Variants in KIFC3 observed in about 807,000 individuals in gnomAD.
KIFC3 encodes kinesin-like protein KIFC3.
KIFC3 carries 60 observed loss-of-function variants against 101.8 expected under a neutral mutation model. That is an observed-to-expected ratio of 0.59 (90% CI 0.48 to 0.73). The LOEUF is 0.73. Ranked by LOEUF, KIFC3 falls within the 30% of genes least tolerant of loss-of-function variation. The pLI, the probability that KIFC3 is intolerant of heterozygous loss-of-function variation, is 0.00. For synonymous variants in KIFC3, 476 were observed against 482.7 expected, an observed-to-expected ratio of 0.99 and a Z score of 0.18; for missense variants, 966 against 1,137.1, an observed-to-expected ratio of 0.85 and a Z score of 2.16.
At position 57,845,496 on chromosome 16, in the gene KIFC3, C is replaced by A. The variant is rs1042007556; in HGVS notation, c.108+17233G>T. Among the ~76,000 whole-genome samples the A allele has an allele frequency of 3.3e-5, 5 of 152,152 alleles. No homozygotes were observed. The South Asian group carries it at 1.0e-3, about 31-fold the overall frequency. Reference sequence around the variant, plus strand: ...CCCTCTCTGCTCCAAACCTCCTATCCCTCCCAACACCTTTGCTCTGCTCCT... The same window carrying A: ...CCCTCTCTGCTCCAAACCTCCTATCACTCCCAACACCTTTGCTCTGCTCCT... On this transcript the variant is annotated intron_variant, in intron 1 of 2. Coordinates refer to the KIFC3 transcript ENST00000563028.
chr16:57,780,581 A>AT (rs2052604602), intron 3 of KIFC3, among the ~76,000 whole-genome samples: 1 of 150,614 alleles, frequency 6.6e-6, no homozygotes, highest in South Asian at 2.1e-4. Flanking sequence ...AATGATTTAA[A>AT]AAAAAAAAAA....
intron 19 of KIFC3, 73 bp downstream of exon 19, chr16:57,759,052 C>T (rs930421238): frequency 7.4e-5 from 114 of 1,537,108 alleles, no homozygotes; most frequent in Non-Finnish European, 9.1e-5. Context: ...AACAGCAGAA[C>T]GTCCCAGCGC....
upstream of KIFC3, chr16:57,803,004 G>T: frequency 6.5e-7 from 1 of 1,535,816 alleles, no homozygotes; most frequent in Non-Finnish European, 8.7e-7. Context: ...TGCACGCGCT[G>T]GCGCACATGC....
At chr16:57,831,452 G>C (rs1555479291) in intron 1 of KIFC3, among the ~76,000 whole-genome samples, 1 of 152,224 alleles carries the variant, frequency 6.6e-6, no homozygotes, top group African/African-American at 2.4e-5. Flanking sequence ...GGCCAAGGCG[G>C]GAGGATCACT....
chr16:57,798,318 C>A, intron 1 of KIFC3, 36 bp from the exon 2 acceptor site: 1 of 1,521,492 alleles, frequency 6.6e-7, no homozygotes. Context: ...GCTTGAAGAC[C>A]GTGGACCAGC....
intron 1 of KIFC3, among the ~76,000 whole-genome samples, chr16:57,819,700 G>T (rs2055311128): frequency 6.6e-6 from 1 of 151,376 alleles, no homozygotes; most frequent in Admixed American, 6.6e-5. Context: ...AGCTAGGATT[G>T]CAGGCACCTG....
chr16:57,834,873 G>T (rs2055654411), intron 1 of KIFC3, among the ~76,000 whole-genome samples: 1 of 152,188 alleles, frequency 6.6e-6, no homozygotes. Context: ...TCTACTGCAT[G>T]CAACTCTGCA....
At position 57,764,256 on chromosome 16, in the gene KIFC3, GTGGTGGGAGGGAGGC is replaced by G; in HGVS notation, c.1513-24_1513-10del. ...TGCACCTCCTGGAACACCTGGGAGG[GTGGTGGGAGGGAGGC>G]TGGTGGGGGGGCTTCCAGGGCCGCT... is the stretch of plus-strand genomic sequence containing the variant. On this transcript the variant is annotated splice_polypyrimidine_tract_variant and intron_variant, in intron 11 of 19. Transcript: ENST00000445690. 5.3e-6 allele frequency: 8 copies of G among 1,522,016 alleles called. No homozygotes were observed. Among genetic ancestry groups the G allele is most frequent in the East Asian group, 2.3e-5 (1 of 43,416 alleles). 94.3% of individuals were successfully genotyped at this position (1,522,016 alleles called of 1,614,324 possible). A position where few individuals can be genotyped will look rare whatever the true frequency, so the allele number is the denominator to read the frequency against.
At chr16:57,804,771 A>G (rs1390419851), upstream of KIFC3, among the ~76,000 whole-genome samples, 1 of 149,464 alleles carries the variant, frequency 6.7e-6, no homozygotes, top group Non-Finnish European at 1.5e-5. Flanking sequence ...TTTTTTTTTT[A>G]AGTAGAGATG....
In KIFC3 at chr16:57,816,781, A is replaced by T. The variant is rs782455627; in HGVS notation, c.109-18499T>A. ...ACAGGGACAGCCACCCCTTCCAGGCAGGAGCTCATGGGAAACCAAGACCAG... is the reference window on the plus strand; with the variant it reads ...ACAGGGACAGCCACCCCTTCCAGGCTGGAGCTCATGGGAAACCAAGACCAG... On this transcript the variant is annotated intron_variant, in intron 1 of 2. Coordinates refer to the KIFC3 transcript ENST00000563028. The T allele has an allele frequency of 1.5e-5, 7 of 456,694 alleles. No homozygotes were observed. The Middle Eastern group carries it at 1.3e-3, about 85-fold the overall frequency. The allele number at this position is 456,694 out of a possible 1,614,324, so 28.3% of individuals were successfully genotyped here. A position where few individuals can be genotyped will look rare whatever the true frequency, so the allele number is the denominator to read the frequency against.
chr16:57,767,089 G>A (rs1293784453), intron 9 of KIFC3, 104 bp from the exon 10 acceptor site: 1 of 818,984 alleles, frequency 1.2e-6, no homozygotes, highest in Non-Finnish European at 2.0e-6. Flanking sequence ...CCCTGGCTGA[G>A]TACCTGACAC....
intron 12 of KIFC3, 46 bp downstream of exon 12, chr16:57,764,097 C>T: frequency 1.4e-6 from 2 of 1,384,994 alleles, no homozygotes; most frequent in Non-Finnish European, 2.0e-6. Flanking sequence ...GCCCGCATTC[C>T]CTTCATGCTT....
intron 17 of KIFC3, 102 bp downstream of exon 17, chr16:57,760,180 C>T: frequency 1.4e-6 from 2 of 1,382,892 alleles, no homozygotes; most frequent in Non-Finnish European, 2.0e-6. Context: ...GCTTCCCTGC[C>T]CCCACTGCTT....
intron 3 of KIFC3, among the ~76,000 whole-genome samples, chr16:57,787,998 T>A (rs79046455): frequency 0.076 from 11,521 of 152,310 alleles, 520 homozygotes; most frequent in Middle Eastern, 0.19. Context: ...TCTCGCTTAC[T>A]GCGAGGGACC....
Position 57,769,944 on chromosome 16 carries a change from G to T in KIFC3, c.951C>A (p.Tyr317Ter). The change falls in exon 8 of 20, where the codon TAC becomes TAA. Residue 317 changes from tyrosine (Y) to a stop codon, truncating the protein, a stop_gained. Transcript: ENST00000445690. LOFTEE classifies it high-confidence loss of function. This position sits in a 1 kb window ranked among gnomAD's most constrained non-coding sequence, Gnocchi z 4.3. Reference sequence around the variant, plus strand: ...CATGGGCCCGCTCCAGCTCTGACTCGTACATGGCAATCTGGCCAGACCAGG... The same window carrying T: ...CATGGGCCCGCTCCAGCTCTGACTCTTACATGGCAATCTGGCCAGACCAGG... ...TARLRAQIAMYESELERAHGQ... is the reference protein window; with the variant it reads ...TARLRAQIAM The T allele has an allele frequency of 6.2e-7, 1 of 1,612,432 alleles. No homozygotes were observed.
chr16:57,829,585 C>A (rs7204361), intron 1 of KIFC3, among the ~76,000 whole-genome samples: 1 of 152,182 alleles, frequency 6.6e-6, no homozygotes, highest in East Asian at 1.9e-4. Flanking sequence ...TTCTTTTTAG[C>A]GGCAAAACAA....
chr16:57,813,703 C>T lies in KIFC3; in HGVS notation c.109-15421G>A, dbSNP rs550430902. 13 of 984,878 alleles carry T rather than the reference C, an allele frequency of 1.3e-5. No individual in the cohort carries two copies. In the East Asian group the frequency reaches 1.4e-3, roughly 106 times the overall value. The allele number at this position is 984,878 out of a possible 1,614,324, so 61.0% of individuals were successfully genotyped here. A position where few individuals can be genotyped will look rare whatever the true frequency, so the allele number is the denominator to read the frequency against. On this transcript the variant is annotated intron_variant, in intron 1 of 2. Coordinates refer to the KIFC3 transcript ENST00000563028. ...CATCCTGCGTGTGTCCAGCACCTCC[C>T]TGCACCCGGGCACCACTCATGCAGG...
chr16:57,802,243 C>G lies in KIFC3; in HGVS notation c.-40+127G>C. 2.6e-6 allele frequency: 1 copy of G among 389,550 alleles called. No individual in the cohort carries two copies. The highest frequency in any genetic ancestry group is 3.5e-6 in the Non-Finnish European group (1 of 284,912). The allele number at this position is 389,550 out of a possible 1,614,324, so 24.1% of individuals were successfully genotyped here. A position where few individuals can be genotyped will look rare whatever the true frequency, so the allele number is the denominator to read the frequency against. On this transcript the variant is annotated intron_variant, in intron 1 of 19. Transcript: ENST00000445690. The surrounding 1 kb of genome is among the most constrained non-coding windows in gnomAD (Gnocchi z 5.0). Reference sequence around the variant, plus strand: ...GGTCTCCCGGGCCTTTCCCTCCCCGCGCCCATAGCGGGTCCGGGCAGAGGG... The same window carrying G: ...GGTCTCCCGGGCCTTTCCCTCCCCGGGCCCATAGCGGGTCCGGGCAGAGGG...
At chr16:57,802,943 ACACAAGCTCTTACT>A (rs1477779648), upstream of KIFC3, 2 of 1,532,236 alleles carry the variant, frequency 1.3e-6, no homozygotes, top group Non-Finnish European at 1.7e-6. The surrounding 1 kb of genome is among the most constrained non-coding windows in gnomAD (Gnocchi z 5.0). Flanking sequence ...CCCAACACAC[ACACAAGCTCTTACT>A]CACGAGACAA....
Sources: gnomAD v4.1 joint callset for allele counts (sites outside exome capture counted in the v4.1 genomes callset) on GRCh38, gnomAD v4.1.1 for gene constraint, Gnocchi (gnomAD v3.1) non-coding constraint, MANE v1.5 for transcripts, NCBI Gene and HGNC (gene_info 2026-07-23, HGNC 2026-07-21) for gene names.